ADARB2: variants seen among roughly 807,000 people sequenced by gnomAD.
The protein encoded by ADARB2 is adenosine deaminase RNA specific B2 (inactive).
In ADARB2, 25 loss-of-function variants were observed where a neutral mutation model predicts 62.2. The observed-to-expected ratio is 0.40, with a 90% CI of 0.29 to 0.56. ADARB2 has a LOEUF of 0.56. Among genes scored for constraint, ADARB2 ranks in the 20% least tolerant of loss-of-function variants. The probability of loss-of-function intolerance (pLI) is 0.43; values close to 1 mark genes in which losing one functional copy is unlikely to be tolerated. For synonymous variants in ADARB2, 572 were observed against 500.8 expected (o/e 1.14, Z -1.90); for missense variants, 1,071 against 1,077.4 (o/e 0.99, Z 0.08).
chr10:1,377,002 GGT>G (rs1281482541), intron 2 of ADARB2, among the ~76,000 whole-genome samples: 1 of 144,212 alleles, frequency 6.9e-6, no homozygotes, highest in Non-Finnish European at 1.5e-5. Flanking sequence ...GCGTCCCTGG[GGT>G]GTGTGTGTTT....
chr10:1,555,626 G>A (rs950895595), intron 1 of ADARB2, among the ~76,000 whole-genome samples: 17 of 152,236 alleles, frequency 1.1e-4, no homozygotes, highest in African/African-American at 3.9e-4. Flanking sequence ...ACAAGGCAGA[G>A]CTGAGGGCCT....
intron 3 of ADARB2, among the ~76,000 whole-genome samples, chr10:1,333,766 A>G (rs1232308309): frequency 6.6e-6 from 1 of 152,154 alleles, no homozygotes; most frequent in Non-Finnish European, 1.5e-5. Context: ...TGGTGAGAGG[A>G]GCCGTCTGAG....
At chr10:1,686,791 T>G (rs185144005) in intron 1 of ADARB2, among the ~76,000 whole-genome samples, 1 of 152,230 alleles carries the variant, frequency 6.6e-6, no homozygotes, top group Admixed American at 6.5e-5. Flanking sequence ...ATTATAAGTA[T>G]CATATTAACA....
intron 7 of ADARB2, among the ~76,000 whole-genome samples, chr10:1,209,383 C>T (rs1837113309): frequency 6.8e-6 from 1 of 147,382 alleles, no homozygotes; most frequent in African/African-American, 2.6e-5. Flanking sequence ...ACACCTACAG[C>T]CTCACCCACA....
At chr10:1,480,687 G>A (rs1275369895) in intron 1 of ADARB2, among the ~76,000 whole-genome samples, 1 of 151,754 alleles carries the variant, frequency 6.6e-6, no homozygotes, top group Non-Finnish European at 1.5e-5. Flanking sequence ...GAAAGAGTGA[G>A]TGAGACTCTG....
rs1290236538 is a variant in ADARB2 at position 1,224,469 on chromosome 10, T to C, written c.1514-7350A>G. Among the ~76,000 whole-genome samples, 12 of 152,162 alleles carry C rather than the reference T, an allele frequency of 7.9e-5. No homozygotes were observed. In the East Asian group the frequency reaches 1.9e-3, roughly 24 times the overall value. Reference sequence around the variant, plus strand: ...TAGTTATTTCTTGCCTTCTGCTAGCTTTTGAATGTGTTTGCTCTTGCTTTT... The same window carrying C: ...TAGTTATTTCTTGCCTTCTGCTAGCCTTTGAATGTGTTTGCTCTTGCTTTT... On this transcript the variant is annotated intron_variant, in intron 6 of 9. Transcript: ENST00000381312.
chr10:1,335,376 A>C (rs1338314482), intron 3 of ADARB2, among the ~76,000 whole-genome samples: 1 of 149,240 alleles, frequency 6.7e-6, no homozygotes, highest in African/African-American at 2.5e-5. Context: ...GGAGGGATGA[A>C]GGGAGAAAAG....
intron 1 of ADARB2, among the ~76,000 whole-genome samples, chr10:1,598,523 C>T (rs111238914): frequency 0.029 from 4,443 of 152,298 alleles, 217 homozygotes; most frequent in African/African-American, 0.1. Flanking sequence ...CGTGGAGAAA[C>T]GGGTGGCGAT....
At chr10:1,526,208 CTGGGGCAGGTGGGGTAGG>C (rs1564317437) in intron 1 of ADARB2, among the ~76,000 whole-genome samples, 1 of 151,224 alleles carries the variant, frequency 6.6e-6, no homozygotes, top group Non-Finnish European at 1.5e-5. Context: ...GAGAGATGGC[CTGGGGCAGGTGGGGTAGG>C]TGGGGCAGGT....
At chr10:1,394,719 C>T (rs1832596792) in intron 1 of ADARB2, among the ~76,000 whole-genome samples, 1 of 152,104 alleles carries the variant, frequency 6.6e-6, no homozygotes, top group Admixed American at 6.6e-5. Context: ...CTGCCTGGGG[C>T]CTGAGGAACG....
chr10:1,264,573 C>T (rs1831176176), intron 4 of ADARB2, among the ~76,000 whole-genome samples: 1 of 152,204 alleles, frequency 6.6e-6, no homozygotes. Flanking sequence ...AAGCGTGGCA[C>T]AGACAGTACG....
Position 1,478,258 on chromosome 10 carries a change from G to A in ADARB2, c.101-99098C>T, listed in dbSNP as rs552199413. Among the ~76,000 whole-genome samples the A allele has an allele frequency of 2.0e-5, 3 of 152,274 alleles. No homozygotes were observed. The South Asian group carries it at 6.2e-4, about 32-fold the overall frequency. On this transcript the variant is annotated intron_variant, in intron 1 of 9. Coordinates refer to ENST00000381312, the MANE Select transcript of ADARB2 (RefSeq NM_018702.4). ...AAACTCTGAGCTGCACAGATGTGAT[G>A]GAAGCCCTGGGAACAGCGTCACGGA...
At position 1,737,489 on chromosome 10, in the gene ADARB2, T is replaced by G; in HGVS notation, c.-339A>C. 6.6e-6 allele frequency: 2 copies of G among 300,920 alleles called. No homozygotes were observed. The highest frequency in any genetic ancestry group is 6.3e-6 in the Non-Finnish European group (1 of 159,818). The allele number at this position is 300,920 out of a possible 1,614,324, so 18.6% of individuals were successfully genotyped here. A position where few individuals can be genotyped will look rare whatever the true frequency, so the allele number is the denominator to read the frequency against. ...GGCTCCCAGCGCAGGGAGGCTACTT[T>G]TGCGCCTCTGCTAGTTGTTTGGCAC... On this transcript the variant is annotated 5_prime_UTR_variant, in exon 1 of 10. Coordinates refer to ENST00000381312, the MANE Select transcript of ADARB2 (RefSeq NM_018702.4).
chr10:1,735,800 G>T (rs1389685115), intron 1 of ADARB2, among the ~76,000 whole-genome samples: 1 of 152,208 alleles, frequency 6.6e-6, no homozygotes, highest in African/African-American at 2.4e-5. Flanking sequence ...TGGTCCTGAC[G>T]TTCGGTCATA....
intron 1 of ADARB2, among the ~76,000 whole-genome samples, chr10:1,467,394 G>A (rs1297322823): frequency 1.3e-5 from 2 of 152,142 alleles, no homozygotes; most frequent in South Asian, 2.1e-4. Context: ...GGCTTCATGC[G>A]AAACCCTTCT....
chr10:1,668,796 T>A (rs1038820879), intron 1 of ADARB2, among the ~76,000 whole-genome samples: 2 of 152,238 alleles, frequency 1.3e-5, no homozygotes, highest in African/African-American at 4.8e-5. Context: ...TTCTAATCTG[T>A]TCGAGAGCTT....
chr10:1,604,705 G>A (rs1473268325), intron 1 of ADARB2, among the ~76,000 whole-genome samples: 1 of 152,150 alleles, frequency 6.6e-6, no homozygotes, highest in Non-Finnish European at 1.5e-5. Context: ...ACCTGTAACC[G>A]GTCCTTGTCT....
In ADARB2 at chr10:1,536,592, G is replaced by A. The variant is rs148805046; in HGVS notation, c.101-157432C>T. Among the ~76,000 whole-genome samples, 90 of 152,278 alleles carry A rather than the reference G, an allele frequency of 5.9e-4. 1 individual carries two copies. The highest frequency in any genetic ancestry group is 1.5e-3 in the African/African-American group (63 of 41,548). On this transcript the variant is annotated intron_variant, in intron 1 of 9. Transcript: ENST00000381312. ...GGCCGCCTCCTTTCAGATTACTCAC[G>A]GCTCTAGAATCTAGCTTATATGTTT...
chr10:1,608,614 G>A (rs1467166822), intron 1 of ADARB2, among the ~76,000 whole-genome samples: 2 of 146,456 alleles, frequency 1.4e-5, no homozygotes, highest in Non-Finnish European at 3.0e-5. Context: ...AAGGAAGAAA[G>A]GAAGAAAAAA....
Sources: allele counts gnomAD v4.1 joint callset (sites outside exome capture counted in the v4.1 genomes callset), GRCh38; gene constraint gnomAD v4.1.1; transcripts MANE v1.5; gene names NCBI Gene and HGNC (gene_info 2026-07-23, HGNC 2026-07-21).